XPO4: variants seen among roughly 807,000 people sequenced by gnomAD.
XPO4 encodes exportin-4.
A neutral mutation model predicts 143.0 loss-of-function variants in XPO4; 39 were observed. The observed-to-expected ratio is 0.27, with a 90% CI of 0.21 to 0.36. The LOEUF is 0.36. Ranked by LOEUF, XPO4 falls within the 10% of genes least tolerant of loss-of-function variation. XPO4 has a pLI of 1.00. For synonymous variants in XPO4, 439 were observed against 474.0 expected (o/e 0.93, Z 0.96); for missense variants, 907 against 1,348.0 (o/e 0.67, Z 5.12).
At chr13:20,876,013 G>A (rs2060347725) in intron 1 of XPO4, among the ~76,000 whole-genome samples, 1 of 151,390 alleles carries the variant, frequency 6.6e-6, no homozygotes, top group Non-Finnish European at 1.5e-5. Flanking sequence ...ACTTTGGGAG[G>A]CCGAGGCAGG....
intron 9 of XPO4, among the ~76,000 whole-genome samples, chr13:20,819,574 C>T (rs923848590): frequency 2.6e-5 from 4 of 152,006 alleles, no homozygotes; most frequent in East Asian, 1.9e-4. Context: ...GCAGAAGAAT[C>T]GCTTGAACCT....
chr13:20,779,498 A>G lies in XPO4; in HGVS notation c.*4224T>C, dbSNP rs73167432. The G allele has an allele frequency of 4.5e-4, 68 of 152,502 alleles. No homozygotes were observed. Among genetic ancestry groups the G allele is most frequent in the African/African-American group, 1.3e-3 (55 of 41,432 alleles). The allele number at this position is 152,502 out of a possible 1,614,324, so 9.4% of individuals were successfully genotyped here. A position where few individuals can be genotyped will look rare whatever the true frequency, so the allele number is the denominator to read the frequency against. On this transcript the variant is annotated 3_prime_UTR_variant, in exon 23 of 23. Coordinates refer to ENST00000255305, the MANE Select transcript of XPO4 (RefSeq NM_022459.5). The stretch of plus-strand genomic sequence containing the variant: ...AAAAAAACCAAAACCAAAAAAAAAG[A>G]CACCTCTCCAATTGCTGGGAGGGCC...
intron 13 of XPO4, among the ~76,000 whole-genome samples, chr13:20,806,734 G>A (rs2059512377): frequency 6.6e-6 from 1 of 151,632 alleles, no homozygotes. Flanking sequence ...TGCAGGTTTA[G>A]TAGAGACAGG....
intron 6 of XPO4, among the ~76,000 whole-genome samples, chr13:20,837,358 A>C (rs1293357774): frequency 1.3e-5 from 2 of 152,128 alleles, no homozygotes; most frequent in Non-Finnish European, 2.9e-5. Context: ...TTCCTAGTTG[A>C]GAATCAATGT....
chr13:20,880,344 A>G (rs1483890766), intron 1 of XPO4, among the ~76,000 whole-genome samples: 2 of 152,142 alleles, frequency 1.3e-5, no homozygotes, highest in Non-Finnish European at 2.9e-5. Context: ...AGGCAGGAGA[A>G]TTGCTTGAAC....
intron 16 of XPO4, among the ~76,000 whole-genome samples, chr13:20,798,154 A>G (rs937392480): frequency 6.6e-6 from 1 of 152,148 alleles, no homozygotes; most frequent in African/African-American, 2.4e-5. Flanking sequence ...AAAAAAAAGA[A>G]AATAGGGTTG....
At chr13:20,897,443 T>C (rs1311722558) in intron 1 of XPO4, among the ~76,000 whole-genome samples, 4 of 152,220 alleles carry the variant, frequency 2.6e-5, no homozygotes, top group Non-Finnish European at 5.9e-5. Flanking sequence ...GCTTAAGGGT[T>C]ACCTATTCCA....
intron 9 of XPO4, among the ~76,000 whole-genome samples, chr13:20,814,426 T>C (rs974034407): frequency 1.3e-5 from 2 of 152,242 alleles, no homozygotes. Context: ...CCTCAACTCA[T>C]TGGATGGCAA....
intron 1 of XPO4, among the ~76,000 whole-genome samples, chr13:20,868,989 G>A (rs1191648934): frequency 1.3e-5 from 2 of 151,984 alleles, no homozygotes; most frequent in African/African-American, 2.4e-5. Flanking sequence ...ACATTTTTTG[G>A]GGGATTTAAC....
chr13:20,873,782 C>A (rs191306243), intron 1 of XPO4, among the ~76,000 whole-genome samples: 111 of 152,274 alleles, frequency 7.3e-4, no homozygotes, highest in African/African-American at 2.5e-3. Flanking sequence ...AGGCACGCAC[C>A]ACCATGCCCA....
intron 12 of XPO4, among the ~76,000 whole-genome samples, 162 bp downstream of exon 12, chr13:20,808,274 G>A (rs908090906): frequency 6.6e-6 from 1 of 152,284 alleles, no homozygotes; most frequent in Admixed American, 6.5e-5. Context: ...ATATTAGCCA[G>A]TATTTTTTAA....
intron 6 of XPO4, among the ~76,000 whole-genome samples, chr13:20,836,934 T>G (rs965090188): frequency 6.6e-6 from 1 of 152,228 alleles, no homozygotes; most frequent in Non-Finnish European, 1.5e-5. Flanking sequence ...TGTGGTCTTT[T>G]GTGAATGGCT....
At chr13:20,851,155 C>T (rs544712280) in intron 4 of XPO4, 1 of 985,262 alleles carries the variant, frequency 1.0e-6, no homozygotes, top group Admixed American at 6.1e-5. Flanking sequence ...TCTTAACAGT[C>T]CAAGAAGAAG....
rs144935157 is a variant in XPO4 at position 20,794,730 on chromosome 13, C to T, written c.2797+1346G>A. ...TGGATGACAGAGGGAGACCCTGCCTCTCAAACAACAACAAGGAAAGAAAGA... is the reference window on the plus strand; with the variant it reads ...TGGATGACAGAGGGAGACCCTGCCTTTCAAACAACAACAAGGAAAGAAAGA... On this transcript the variant is annotated intron_variant, in intron 18 of 22. Coordinates refer to ENST00000255305, the MANE Select transcript of XPO4 (RefSeq NM_022459.5). Among the ~76,000 whole-genome samples, 44 of 152,160 alleles carry T rather than the reference C, an allele frequency of 2.9e-4. 1 individual carries two copies. The East Asian group carries it at 8.3e-3, about 29-fold the overall frequency.
intron 1 of XPO4, among the ~76,000 whole-genome samples, chr13:20,892,178 C>T (rs1432274494): frequency 6.6e-6 from 1 of 152,030 alleles, no homozygotes; most frequent in Non-Finnish European, 1.5e-5. Flanking sequence ...CCTTCACCTC[C>T]TGGGTTCAAG....
chr13:20,845,076 G>A (rs1213790539), intron 4 of XPO4, among the ~76,000 whole-genome samples: 1 of 152,218 alleles, frequency 6.6e-6, no homozygotes, highest in Non-Finnish European at 1.5e-5. Flanking sequence ...GGGACACCAA[G>A]GCAGGAGAAC....
At chr13:20,902,060 T>G (rs2060624982) in intron 1 of XPO4, 1 of 985,072 alleles carries the variant, frequency 1.0e-6, no homozygotes, top group Non-Finnish European at 1.2e-6. Context: ...TCGCGGGAGC[T>G]TTAAGGAGCT....
At chr13:20,811,806 A>G (rs1282026147) in intron 9 of XPO4, among the ~76,000 whole-genome samples, 1 of 152,050 alleles carries the variant, frequency 6.6e-6, no homozygotes, top group Non-Finnish European at 1.5e-5. Flanking sequence ...TACAATACAG[A>G]AGGATGGGGG....
intron 18 of XPO4, among the ~76,000 whole-genome samples, chr13:20,794,148 G>A (rs181399796): frequency 2.5e-4 from 38 of 152,206 alleles, no homozygotes; most frequent in African/African-American, 8.7e-4. Context: ...GCTGCCCAGC[G>A]CTGGGATCTA....
Sources: allele counts gnomAD v4.1 joint callset (sites outside exome capture counted in the v4.1 genomes callset), GRCh38; gene constraint gnomAD v4.1.1; transcripts MANE v1.5; gene names NCBI Gene and HGNC (gene_info 2026-07-23, HGNC 2026-07-21).